The following ITPR2 variants were observed in gnomAD, a reference collection of about 807,000 sequenced individuals.
ITPR2 encodes inositol 1,4,5-trisphosphate-gated calcium channel ITPR2.
A neutral mutation model predicts 317.1 loss-of-function variants in ITPR2; 207 were observed. The observed-to-expected ratio is 0.65, with a 90% CI of 0.58 to 0.73. The LOEUF (loss-of-function observed/expected upper bound fraction) is 0.73, where lower values mean the gene tolerates loss of function less well. Ranked by LOEUF, ITPR2 falls within the 30% of genes least tolerant of loss-of-function variation. The pLI, the probability that ITPR2 is intolerant of heterozygous loss-of-function variation, is 0.00. For synonymous variants in ITPR2, 1,156 were observed against 1,149.1 expected (o/e 1.01, Z -0.12); for missense variants, 2,613 against 3,284.0 (o/e 0.80, Z 4.99).
chr12:26,717,714 T>G (rs1948765771), intron 5 of ITPR2, among the ~76,000 whole-genome samples: 1 of 152,156 alleles, frequency 6.6e-6, no homozygotes, highest in Non-Finnish European at 1.5e-5. Flanking sequence ...CTCCAGTGCA[T>G]ACCTGAGGAA....
At chr12:26,586,452 T>G (rs1464327610) in intron 32 of ITPR2, among the ~76,000 whole-genome samples, 1 of 152,244 alleles carries the variant, frequency 6.6e-6, no homozygotes, top group African/African-American at 2.4e-5. Flanking sequence ...TATGATGTTT[T>G]TATGTACTTA....
intron 10 of ITPR2, among the ~76,000 whole-genome samples, chr12:26,690,837 A>G (rs1332232369): frequency 6.6e-6 from 1 of 152,228 alleles, no homozygotes; most frequent in Non-Finnish European, 1.5e-5. Context: ...ACTCTGAATT[A>G]CTCATACTGT....
intron 49 of ITPR2, among the ~76,000 whole-genome samples, chr12:26,424,463 AACTT>A (rs1383356113): frequency 1.1e-4 from 17 of 152,290 alleles, no homozygotes; most frequent in Middle Eastern, 3.4e-3. Context: ...AATGTACTAA[AACTT>A]AAGGTACAAG....
intron 50 of ITPR2, among the ~76,000 whole-genome samples, chr12:26,416,667 T>C (rs1940730523): frequency 6.6e-6 from 1 of 152,216 alleles, no homozygotes; most frequent in Non-Finnish European, 1.5e-5. Context: ...TAAAAGTCTA[T>C]TTTGCAATCT....
intron 1 of ITPR2, among the ~76,000 whole-genome samples, chr12:26,818,963 T>C (rs1475027111): frequency 6.7e-6 from 1 of 149,258 alleles, no homozygotes; most frequent in Non-Finnish European, 1.5e-5. Flanking sequence ...TGGTATGATA[T>C]ACTTAAACTG....
At chr12:26,733,161 A>G (rs1027157114) in intron 2 of ITPR2, among the ~76,000 whole-genome samples, 3 of 151,958 alleles carry the variant, frequency 2.0e-5, no homozygotes, top group African/African-American at 7.3e-5. Context: ...TAAAAATACA[A>G]AAATTAGCCA....
intron 15 of ITPR2, among the ~76,000 whole-genome samples, chr12:26,661,269 T>TG (rs1332276817): frequency 1.0e-3 from 7 of 6,746 alleles, no homozygotes; most frequent in African/African-American, 3.3e-3. Flanking sequence ...GGTAGGGGTG[T>TG]GTGTGTGGGG....
chr12:26,607,887 T>A (rs1946172727), intron 26 of ITPR2, among the ~76,000 whole-genome samples: 1 of 152,130 alleles, frequency 6.6e-6, no homozygotes, highest in East Asian at 1.9e-4. Flanking sequence ...GAGACCATCC[T>A]GGCTAACACA....
intron 2 of ITPR2, among the ~76,000 whole-genome samples, chr12:26,749,364 C>T (rs1233622315): frequency 6.6e-6 from 1 of 152,212 alleles, no homozygotes; most frequent in Non-Finnish European, 1.5e-5. Context: ...AAAGTCTGAG[C>T]TGCAGTTATC....
chr12:26,496,389 T>C (rs1245789218), intron 37 of ITPR2, among the ~76,000 whole-genome samples: 9 of 152,336 alleles, frequency 5.9e-5, no homozygotes, highest in South Asian at 2.1e-4. Context: ...GGCTATTCTT[T>C]CTCAAGTTCT....
At chr12:26,402,106 C>T (rs1591992462) in intron 52 of ITPR2, among the ~76,000 whole-genome samples, 2 of 152,110 alleles carry the variant, frequency 1.3e-5, no homozygotes, top group South Asian at 2.1e-4. Flanking sequence ...GGAAGCCAGA[C>T]CAAGGGTGGG....
intron 37 of ITPR2, among the ~76,000 whole-genome samples, chr12:26,542,316 T>G (rs1027223428): frequency 6.6e-6 from 1 of 152,214 alleles, no homozygotes; most frequent in Non-Finnish European, 1.5e-5. Context: ...GTTTTGTAAC[T>G]GAGAAAATAA....
At position 26,602,475 on chromosome 12, in the gene ITPR2, T is replaced by A. The variant is rs1471567929; in HGVS notation, c.3573A>T (p.Lys1191Asn). ...IVKEILIRLS[K>N]LCVQNKKCRN... ...GACACTTTTTATTCTGCACACAGAGTTTACTTAGCCTGATCAAAATCTTTA... is the reference window on the plus strand; with the variant it reads ...GACACTTTTTATTCTGCACACAGAGATTACTTAGCCTGATCAAAATCTTTA... Residue 1191 changes from lysine (K) to asparagine (N), a missense_variant, in exon 28 of 57, where the codon AAA (lysine) becomes AAT (asparagine). Transcript: ENST00000381340. The A allele has an allele frequency of 6.2e-7, 1 of 1,613,020 alleles. No individual in the cohort carries two copies. Among genetic ancestry groups the A allele is most frequent in the South Asian group, 1.1e-5 (1 of 90,872 alleles).
At chr12:26,612,442 T>G in intron 26 of ITPR2, among the ~76,000 whole-genome samples, 1 of 152,216 alleles carries the variant, frequency 6.6e-6, no homozygotes, top group East Asian at 1.9e-4. Flanking sequence ...TGCTACTGGC[T>G]GTTTCCATTG....
intron 54 of ITPR2, among the ~76,000 whole-genome samples, chr12:26,394,383 G>A (rs1939932508): frequency 6.6e-6 from 1 of 152,218 alleles, no homozygotes; most frequent in African/African-American, 2.4e-5. Flanking sequence ...AGGGTCCGAT[G>A]TGTGAGATCG....
chr12:26,463,709 C>T (rs1942099928), intron 45 of ITPR2, among the ~76,000 whole-genome samples: 1 of 149,138 alleles, frequency 6.7e-6, no homozygotes, highest in Non-Finnish European at 1.5e-5. Flanking sequence ...AAAAAAAAAA[C>T]AAATTAAGTA....
chr12:26,485,955 A>G (rs571418605), intron 41 of ITPR2, 149 bp downstream of exon 41: 30 of 848,350 alleles, frequency 3.5e-5, no homozygotes, highest in South Asian at 2.4e-4. Flanking sequence ...ACTGATACCA[A>G]AGTTTCTTCC....
chr12:26,669,205 T>C (rs1247398386), intron 13 of ITPR2, among the ~76,000 whole-genome samples: 1 of 151,726 alleles, frequency 6.6e-6, no homozygotes, highest in Non-Finnish European at 1.5e-5. Flanking sequence ...TCTAAAAATA[T>C]TATTAATCTA....
chr12:26,374,489 C>A (rs1011600010), intron 55 of ITPR2, among the ~76,000 whole-genome samples: 4 of 152,190 alleles, frequency 2.6e-5, no homozygotes, highest in African/African-American at 9.7e-5. Context: ...TATGTAGAAT[C>A]AGTGAAGACT....
Sources: allele counts gnomAD v4.1 joint callset (sites outside exome capture counted in the v4.1 genomes callset), GRCh38; gene constraint gnomAD v4.1.1; transcripts MANE v1.5; gene names NCBI Gene and HGNC (gene_info 2026-07-23, HGNC 2026-07-21).